The following ATRNL1 variants were observed in gnomAD, a reference collection of about 807,000 sequenced individuals.
ATRNL1 encodes the protein attractin-like protein 1.
In ATRNL1, 95 loss-of-function variants were observed where a neutral mutation model predicts 182.7. The ratio of observed to expected loss-of-function variants is 0.52; its 90% confidence interval spans 0.44 to 0.62. The LOEUF (loss-of-function observed/expected upper bound fraction) is 0.62. Among genes scored for constraint, ATRNL1 ranks in the 20% least tolerant of loss-of-function variants. The probability of loss-of-function intolerance (pLI) is 0.00; values close to 1 mark genes in which losing one functional copy is unlikely to be tolerated. For missense variants in ATRNL1, 1,471 were observed against 1,679.5 expected (o/e 0.88, Z 2.17); for synonymous variants, 576 against 568.3 (o/e 1.01, Z -0.19).
At chr10:115,112,313 C>T (rs576253795) in intron 1 of ATRNL1, among the ~76,000 whole-genome samples, 113 of 152,196 alleles carry the variant, frequency 7.4e-4, no homozygotes, top group African/African-American at 2.6e-3. Context: ...CAAAAGACCA[C>T]AAATAGCTAA....
At chr10:115,898,969 TTA>T (rs1491558846) in intron 28 of ATRNL1, among the ~76,000 whole-genome samples, 3 of 152,078 alleles carry the variant, frequency 2.0e-5, no homozygotes, top group Non-Finnish European at 4.4e-5. Flanking sequence ...TCTTTTTTTT[TTA>T]TTATACTTTA....
At chr10:115,709,740 C>T (rs782293273) in intron 26 of ATRNL1, among the ~76,000 whole-genome samples, 17 of 151,886 alleles carry the variant, frequency 1.1e-4, no homozygotes, top group Non-Finnish European at 2.2e-4. Flanking sequence ...TATTCTAACC[C>T]AAATTATTTA....
chr10:115,659,777 G>A (rs1317133101), intron 26 of ATRNL1, among the ~76,000 whole-genome samples: 2 of 152,018 alleles, frequency 1.3e-5, no homozygotes, highest in East Asian at 1.9e-4. Context: ...AATTAGACCC[G>A]CAGAGAGGGC....
intron 26 of ATRNL1, among the ~76,000 whole-genome samples, chr10:115,619,837 T>C (rs1555022105): frequency 6.6e-6 from 1 of 152,240 alleles, no homozygotes; most frequent in African/African-American, 2.4e-5. Context: ...AAAACTGGGA[T>C]ATTAGACAAG....
At chr10:115,605,425 C>A (rs1390276931) in intron 26 of ATRNL1, among the ~76,000 whole-genome samples, 5 of 151,916 alleles carry the variant, frequency 3.3e-5, no homozygotes, top group Non-Finnish European at 7.4e-5. Context: ...TCTGTAACTA[C>A]AGTTAGCATA....
intron 5 of ATRNL1, among the ~76,000 whole-genome samples, chr10:115,135,746 A>T (rs1373858108): frequency 6.6e-6 from 1 of 152,200 alleles, no homozygotes; most frequent in African/African-American, 2.4e-5. Context: ...AGCCAAAAGA[A>T]CAAAGCTGGA....
At chr10:115,597,832 G>A (rs782254723) in intron 26 of ATRNL1, 3 of 293,896 alleles carry the variant, frequency 1.0e-5, no homozygotes, top group Non-Finnish European at 2.0e-5. Context: ...ACCGCGCCGG[G>A]CCTCTATGTG....
intron 25 of ATRNL1, among the ~76,000 whole-genome samples, chr10:115,519,683 T>C (rs7081914): frequency 0.028 from 4,266 of 152,272 alleles, 228 homozygotes; most frequent in African/African-American, 0.098. Flanking sequence ...GTTTATTTCT[T>C]AGTTAATTTT....
chr10:115,496,512 G>A (rs1316191113), intron 24 of ATRNL1, among the ~76,000 whole-genome samples: 2 of 151,718 alleles, frequency 1.3e-5, no homozygotes, highest in African/African-American at 4.8e-5. Flanking sequence ...TTTGTTTTTA[G>A]CTCTGTTTAT....
At chr10:115,183,150 A>G (rs903513668) in intron 8 of ATRNL1, among the ~76,000 whole-genome samples, 44 of 151,498 alleles carry the variant, frequency 2.9e-4, no homozygotes, top group Middle Eastern at 3.2e-3. Context: ...AATACAAGGA[A>G]AAATTACAGA....
At chr10:115,427,815 A>G (rs1845973338) in intron 21 of ATRNL1, among the ~76,000 whole-genome samples, 1 of 151,654 alleles carries the variant, frequency 6.6e-6, no homozygotes, top group African/African-American at 2.4e-5. Context: ...GCACATTTAT[A>G]ATTAATGTGA....
intron 17 of ATRNL1, among the ~76,000 whole-genome samples, chr10:115,302,468 T>C (rs1215690445): frequency 6.6e-6 from 1 of 152,220 alleles, no homozygotes; most frequent in Non-Finnish European, 1.5e-5. Context: ...TTTCTCAATT[T>C]GGATTTGTCT....
intron 27 of ATRNL1, among the ~76,000 whole-genome samples, chr10:115,786,773 C>T (rs1186012529): frequency 6.6e-6 from 1 of 152,138 alleles, no homozygotes; most frequent in African/African-American, 2.4e-5. Flanking sequence ...TGACAAGACA[C>T]TAATATTAAG....
intron 27 of ATRNL1, among the ~76,000 whole-genome samples, chr10:115,843,144 T>C (rs970991881): frequency 2.0e-5 from 3 of 152,106 alleles, no homozygotes; most frequent in Non-Finnish European, 4.4e-5. Context: ...TAGTAGTTGC[T>C]ATAGGTAAGA....
At chr10:115,648,474 C>CA (rs1161663463) in intron 26 of ATRNL1, among the ~76,000 whole-genome samples, 1 of 152,022 alleles carries the variant, frequency 6.6e-6, no homozygotes, top group Non-Finnish European at 1.5e-5. Flanking sequence ...CACATGAAAC[C>CA]AAAAAAGAGC....
intron 27 of ATRNL1, among the ~76,000 whole-genome samples, chr10:115,749,773 A>T (rs1555070180): frequency 6.6e-6 from 1 of 151,914 alleles, no homozygotes; most frequent in East Asian, 1.9e-4. Context: ...CATGCCAAAC[A>T]TCTTATCTCT....
intron 28 of ATRNL1, among the ~76,000 whole-genome samples, chr10:115,904,021 G>A (rs898499517): frequency 2.6e-5 from 4 of 152,102 alleles, no homozygotes; most frequent in African/African-American, 9.7e-5. Flanking sequence ...AAGTAAGGAC[G>A]GCCTCAGACC....
Position 115,300,165 on chromosome 10 carries a change from T to G in ATRNL1, c.2547T>G (p.Tyr849Ter). Residue 849 changes from tyrosine to a stop codon, truncating the protein, a stop_gained, in exon 16 of 29, where the codon TAT becomes TAG. Coordinates refer to ENST00000355044, the MANE Select transcript of ATRNL1 (RefSeq NM_207303.4). LOFTEE classifies it high-confidence loss of function. Reference sequence around the variant, plus strand: ...CCAATGATTCTGGGTTTTGTGCATATCTGGAAAGGGCTGCAGTGGCAGGCT... The same window carrying G: ...CCAATGATTCTGGGTTTTGTGCATAGCTGGAAAGGGCTGCAGTGGCAGGCT... ...GEPNDSGFCAYLERAAVAGLK... is the reference protein window; with the variant it reads ...GEPNDSGFCA 6.2e-7 allele frequency: 1 copy of G among 1,614,084 alleles called. No homozygotes were observed. The highest frequency in any genetic ancestry group is 8.5e-7 in the Non-Finnish European group (1 of 1,179,946).
chr10:115,541,308 G>A (rs1852346372), intron 25 of ATRNL1, among the ~76,000 whole-genome samples: 1 of 152,126 alleles, frequency 6.6e-6, no homozygotes, highest in Non-Finnish European at 1.5e-5. Context: ...ATATGCAAGA[G>A]TGCTCAACTT....
Sources: allele counts gnomAD v4.1 joint callset (sites outside exome capture counted in the v4.1 genomes callset), GRCh38; gene constraint gnomAD v4.1.1; transcripts MANE v1.5; gene names NCBI Gene and HGNC (gene_info 2026-07-23, HGNC 2026-07-21).